EXT1: variants seen among roughly 807,000 people sequenced by gnomAD.
EXT1 encodes the protein exostosin-1.
EXT1 carries 20 observed loss-of-function variants against 82.5 expected under a neutral mutation model. That is an observed-to-expected ratio of 0.24 (90% CI 0.17 to 0.35). EXT1 has a LOEUF of 0.35. Ranked by LOEUF, EXT1 falls within the 10% of genes least tolerant of loss-of-function variation. The pLI is 1.00. For synonymous variants in EXT1, 348 were observed against 350.8 expected, an observed-to-expected ratio of 0.99 and a Z score of 0.09; for missense variants, 757 against 936.5, an observed-to-expected ratio of 0.81 and a Z score of 2.50.
chr8:117,992,449 A>T (rs1413566914), intron 1 of EXT1, among the ~76,000 whole-genome samples: 2 of 151,324 alleles, frequency 1.3e-5, no homozygotes, highest in Non-Finnish European at 2.9e-5. Context: ...AAAAAAAAAA[A>T]AAAAAAAAAA....
chr8:117,982,019 G>GAA (rs1815216804), intron 1 of EXT1, among the ~76,000 whole-genome samples: 1 of 152,120 alleles, frequency 6.6e-6, no homozygotes, highest in African/African-American at 2.4e-5. Flanking sequence ...TTCCCTCAAT[G>GAA]ATTAGTTTTC....
intron 1 of EXT1, among the ~76,000 whole-genome samples, chr8:117,929,306 A>T (rs1814006380): frequency 6.6e-6 from 1 of 152,236 alleles, no homozygotes; most frequent in African/African-American, 2.4e-5. Context: ...GATGATCCAC[A>T]GGCAGAAGGC....
At chr8:117,991,043 ACAGCCTTCC>A (rs1815422021) in intron 1 of EXT1, among the ~76,000 whole-genome samples, 1 of 152,168 alleles carries the variant, frequency 6.6e-6, no homozygotes, top group Non-Finnish European at 1.5e-5. Context: ...AGGAGGCTTA[ACAGCCTTCC>A]CAAGGTCCAT....
intron 1 of EXT1, among the ~76,000 whole-genome samples, chr8:118,074,621 G>C (rs570785653): frequency 1.3e-5 from 2 of 151,414 alleles, no homozygotes; most frequent in African/African-American, 4.9e-5. Context: ...ATTGAATTGA[G>C]CGAGCCCGGG....
chr8:117,823,610 A>G (rs1811960634), intron 4 of EXT1, among the ~76,000 whole-genome samples: 1 of 152,092 alleles, frequency 6.6e-6, no homozygotes, highest in Admixed American at 6.6e-5. Context: ...TTAAGTACAG[A>G]CTATTTTAAA....
intron 1 of EXT1, among the ~76,000 whole-genome samples, chr8:117,973,864 AGGAAAG>A (rs1815003390): frequency 1.4e-5 from 2 of 140,216 alleles, no homozygotes; most frequent in Non-Finnish European, 3.0e-5. Flanking sequence ...AGGAAAGGAA[AGGAAAG>A]GAAAGGAAAG....
intron 1 of EXT1, among the ~76,000 whole-genome samples, chr8:117,840,509 G>A (rs1441211486): frequency 6.6e-6 from 1 of 152,016 alleles, no homozygotes; most frequent in Non-Finnish European, 1.5e-5. Context: ...CTACTTGGGA[G>A]GCTGAGGAAG....
At chr8:117,857,012 A>T (rs547593641) in intron 1 of EXT1, among the ~76,000 whole-genome samples, 1 of 152,304 alleles carries the variant, frequency 6.6e-6, no homozygotes, top group East Asian at 1.9e-4. Context: ...AGCTAAATCT[A>T]CTCTGCCTGT....
At chr8:117,925,562 AG>A (rs1194999320) in intron 1 of EXT1, among the ~76,000 whole-genome samples, 1 of 152,042 alleles carries the variant, frequency 6.6e-6, no homozygotes, top group Non-Finnish European at 1.5e-5. Context: ...GATCTGAAGT[AG>A]TTTTGACATA....
intron 10 of EXT1, among the ~76,000 whole-genome samples, chr8:117,801,547 G>A (rs1042493206): frequency 6.6e-6 from 1 of 151,692 alleles, no homozygotes; most frequent in Non-Finnish European, 1.5e-5. Flanking sequence ...ACTCTGTCAC[G>A]CAGGCTGGAG....
At chr8:117,977,642 C>T (rs1248416850) in intron 1 of EXT1, among the ~76,000 whole-genome samples, 1 of 152,068 alleles carries the variant, frequency 6.6e-6, no homozygotes, top group Non-Finnish European at 1.5e-5. Context: ...CTAGACAGGG[C>T]AAATTAATCC....
At chr8:117,930,842 G>A (rs1203564146) in intron 1 of EXT1, among the ~76,000 whole-genome samples, 3 of 149,890 alleles carry the variant, frequency 2.0e-5, no homozygotes, top group South Asian at 2.1e-4. Flanking sequence ...AACAGCATGC[G>A]GTAAAGATGC....
At chr8:117,989,244 C>T (rs1815385266) in intron 1 of EXT1, among the ~76,000 whole-genome samples, 1 of 151,604 alleles carries the variant, frequency 6.6e-6, no homozygotes, top group Non-Finnish European at 1.5e-5. Flanking sequence ...ATTCCTCCCC[C>T]CACCCCCATC....
intron 1 of EXT1, among the ~76,000 whole-genome samples, chr8:118,017,090 A>T (rs2129848180): frequency 6.6e-6 from 1 of 152,334 alleles, no homozygotes; most frequent in Admixed American, 6.5e-5. Context: ...GGACCGGTAT[A>T]ATCATTTATA....
At chr8:117,857,921 C>A (rs954587846) in intron 1 of EXT1, among the ~76,000 whole-genome samples, 1 of 152,068 alleles carries the variant, frequency 6.6e-6, no homozygotes, top group African/African-American at 2.4e-5. Context: ...TTGGAAGAAG[C>A]TGATTCCAAC....
intron 4 of EXT1, among the ~76,000 whole-genome samples, chr8:117,827,563 C>G (rs1030940569): frequency 4.9e-4 from 74 of 151,736 alleles, no homozygotes; most frequent in African/African-American, 1.8e-3. Context: ...GCCTGTAATC[C>G]CAGCACTTTG....
chr8:118,047,119 GA>G (rs1390303843), intron 1 of EXT1, among the ~76,000 whole-genome samples: 4 of 152,140 alleles, frequency 2.6e-5, no homozygotes, highest in Non-Finnish European at 5.9e-5. Context: ...ATCGCCTGGG[GA>G]AGTTTTAAAA....
At chr8:117,837,024 T>A (rs781163657) in intron 2 of EXT1, 84 bp downstream of exon 2, 30 of 914,718 alleles carry the variant, frequency 3.3e-5, no homozygotes, top group Non-Finnish European at 5.1e-5. Flanking sequence ...TCTTTAGCTA[T>A]CCCAGGAGAG....
intron 10 of EXT1, among the ~76,000 whole-genome samples, chr8:117,800,214 C>G (rs1823145931): frequency 6.6e-6 from 1 of 152,218 alleles, no homozygotes. Flanking sequence ...GTGACTCAAT[C>G]TAAAACCTCT....
Sources: gnomAD v4.1 joint callset for allele counts (sites outside exome capture counted in the v4.1 genomes callset) on GRCh38, gnomAD v4.1.1 for gene constraint, MANE v1.5 for transcripts, NCBI Gene and HGNC (gene_info 2026-07-23, HGNC 2026-07-21) for gene names.